Variants in MYT1L observed in about 807,000 individuals in gnomAD.
The protein encoded by MYT1L is myelin transcription factor 1 like.
MYT1L carries 12 observed loss-of-function variants against 126.7 expected under a neutral mutation model. That is an observed-to-expected ratio of 0.09 (90% CI 0.06 to 0.15). The LOEUF (loss-of-function observed/expected upper bound fraction) is 0.15, where lower values mean the gene tolerates loss of function less well. MYT1L is among the 10% of genes least tolerant of loss of function. The pLI, the probability that MYT1L is intolerant of heterozygous loss-of-function variation, is 1.00. For missense variants in MYT1L, 979 were observed against 1,585.2 expected (o/e 0.62, Z 6.49); for synonymous variants, 541 against 604.2 (o/e 0.90, Z 1.53).
At chr2:2,046,866 TG>T (rs1449283963) in intron 4 of MYT1L, among the ~76,000 whole-genome samples, 1 of 152,244 alleles carries the variant, frequency 6.6e-6, no homozygotes, top group Admixed American at 6.5e-5. Context: ...GCTATCAGCC[TG>T]CCTGTCTACT....
chr2:1,943,409 C>G lies in MYT1L; in HGVS notation c.153-75G>C. The stretch of plus-strand genomic sequence containing the variant: ...GTGTTACTGTCTTTTAAAATCAGAC[C>G]AATGGGGGCCTTGATCAAGGTACTT... On this transcript the variant is annotated intron_variant, in intron 8 of 24. Transcript: ENST00000647738. The surrounding 1 kb of genome is among the most constrained non-coding windows in gnomAD (Gnocchi z 4.4). 1.4e-6 allele frequency: 2 copies of G among 1,431,030 alleles called. No individual in the cohort carries two copies. Among genetic ancestry groups the G allele is most frequent in the Non-Finnish European group, 1.8e-6 (2 of 1,087,350 alleles). 88.6% of individuals were successfully genotyped at this position (1,431,030 alleles called of 1,614,324 possible).
chr2:2,138,122 A>T (rs1168133805), intron 3 of MYT1L, among the ~76,000 whole-genome samples: 1 of 152,236 alleles, frequency 6.6e-6, no homozygotes, highest in African/African-American at 2.4e-5. Flanking sequence ...GAGAAATGCA[A>T]ATCAAAACCA....
At chr2:1,937,713 G>A (rs2056153012) in intron 9 of MYT1L, among the ~76,000 whole-genome samples, 2 of 150,870 alleles carry the variant, frequency 1.3e-5, no homozygotes, top group East Asian at 2.0e-4. Flanking sequence ...ATCACAAGTC[G>A]AGAAGGCCCT....
chr2:1,901,586 T>A (rs926550053), intron 14 of MYT1L, among the ~76,000 whole-genome samples: 4 of 152,230 alleles, frequency 2.6e-5, no homozygotes, highest in Non-Finnish European at 5.9e-5. Flanking sequence ...TAAATTATTA[T>A]TAAGGCAAGA....
intron 11 of MYT1L, among the ~76,000 whole-genome samples, chr2:1,914,636 G>A (rs949277928): frequency 6.6e-6 from 1 of 152,078 alleles, no homozygotes; most frequent in Non-Finnish European, 1.5e-5. Context: ...TACAAGTCCC[G>A]GTTCTCCACC....
chr2:2,262,479 T>C (rs900541990), intron 2 of MYT1L, among the ~76,000 whole-genome samples: 1 of 151,918 alleles, frequency 6.6e-6, no homozygotes, highest in African/African-American at 2.4e-5. Context: ...GATCACAAGG[T>C]CAGGAGGTCG....
intron 2 of MYT1L, among the ~76,000 whole-genome samples, chr2:2,213,022 G>C (rs2093574770): frequency 6.6e-6 from 1 of 152,120 alleles, no homozygotes; most frequent in Non-Finnish European, 1.5e-5. Context: ...TCATCAACCA[G>C]AGACTTTGGG....
intron 2 of MYT1L, among the ~76,000 whole-genome samples, chr2:2,241,999 A>T (rs1183020205): frequency 6.6e-6 from 1 of 152,122 alleles, no homozygotes; most frequent in East Asian, 1.9e-4. Flanking sequence ...TGAAGTGCTC[A>T]ATATACATTG....
Position 2,248,380 on chromosome 2 carries a change from C to T in MYT1L, c.-421+36024G>A, listed in dbSNP as rs191725187. ...CCATAACAAGTAATGAGATAAAAGC[C>T]GTAGTAAAAAGTCTAGTAAAGAAAA... On this transcript the variant is annotated intron_variant, in intron 2 of 24. Transcript: ENST00000647738. 5.5e-4 allele frequency among the ~76,000 whole-genome samples: 84 copies of T among 151,874 alleles called. 1 individual carries two copies. The highest frequency in any genetic ancestry group is 4.8e-3 in the South Asian group (23 of 4,800).
At chr2:2,145,109 G>A (rs752399651) in intron 3 of MYT1L, among the ~76,000 whole-genome samples, 1 of 152,204 alleles carries the variant, frequency 6.6e-6, no homozygotes, top group Non-Finnish European at 1.5e-5. Context: ...CCTGTGAGAC[G>A]TCTTTCAGGG....
chr2:2,015,908 T>C (rs560545177), intron 4 of MYT1L, among the ~76,000 whole-genome samples: 18 of 152,156 alleles, frequency 1.2e-4, no homozygotes, highest in Non-Finnish European at 2.2e-4. Flanking sequence ...CCTCCAGGAA[T>C]ATGGGTGGGA....
intron 21 of MYT1L, 147 bp from the exon 22 acceptor site, chr2:1,809,314 A>AATG (rs2036206366): frequency 1.4e-6 from 1 of 729,088 alleles, no homozygotes; most frequent in African/African-American, 1.7e-5. Flanking sequence ...CAAAAAGACC[A>AATG]ATGCATACAG....
intron 1 of MYT1L, among the ~76,000 whole-genome samples, chr2:2,317,209 T>C (rs143036936): frequency 6.6e-6 from 1 of 152,152 alleles, no homozygotes; most frequent in African/African-American, 2.4e-5. Context: ...ATTAGACTCA[T>C]CAATCAAACA....
chr2:2,048,133 G>A (rs1220748370), intron 4 of MYT1L, among the ~76,000 whole-genome samples: 1 of 152,120 alleles, frequency 6.6e-6, no homozygotes, highest in Non-Finnish European at 1.5e-5. Flanking sequence ...TTTGTGAAGC[G>A]GGGATAGAGC....
intron 9 of MYT1L, 49 bp downstream of exon 9, chr2:1,942,933 A>T (rs1281320930): frequency 7.4e-6 from 11 of 1,485,622 alleles, no homozygotes; most frequent in Non-Finnish European, 9.0e-6. Flanking sequence ...CACCTTGAAC[A>T]GTGGACCCAA....
chr2:2,109,793 C>A (rs2150561607), intron 3 of MYT1L, among the ~76,000 whole-genome samples: 1 of 149,230 alleles, frequency 6.7e-6, no homozygotes, highest in South Asian at 2.1e-4. Context: ...CTCTCACACA[C>A]ACATGCACAT....
At chr2:2,032,426 C>A (rs1369577955) in intron 4 of MYT1L, among the ~76,000 whole-genome samples, 2 of 96,312 alleles carry the variant, frequency 2.1e-5, no homozygotes, top group Admixed American at 1.0e-4. Flanking sequence ...ACACCCTCGC[C>A]AGTGCCTCTC....
At chr2:1,892,009 G>A in intron 15 of MYT1L, 28 bp downstream of exon 15, 1 of 1,484,940 alleles carries the variant, frequency 6.7e-7, no homozygotes, top group South Asian at 1.3e-5. Context: ...CACCCGCCAG[G>A]TGGCTCCACC....
At chr2:2,046,591 G>T (rs2068215848) in intron 4 of MYT1L, among the ~76,000 whole-genome samples, 1 of 152,058 alleles carries the variant, frequency 6.6e-6, no homozygotes. Flanking sequence ...ATTATTCCTG[G>T]CATACAGAAA....
Sources: gnomAD v4.1 joint callset for allele counts (sites outside exome capture counted in the v4.1 genomes callset) on GRCh38, gnomAD v4.1.1 for gene constraint, Gnocchi (gnomAD v3.1) non-coding constraint, MANE v1.5 for transcripts, NCBI Gene and HGNC (gene_info 2026-07-23, HGNC 2026-07-21) for gene names.